The following ZFAND3 variants were observed in gnomAD, a reference collection of about 807,000 sequenced individuals.
The protein encoded by ZFAND3 is AN1-type zinc finger protein 3.
In ZFAND3, 10 loss-of-function variants were observed where a neutral mutation model predicts 29.6. The observed-to-expected ratio is 0.34, with a 90% CI of 0.21 to 0.57. The LOEUF (loss-of-function observed/expected upper bound fraction) is 0.57. ZFAND3 is among the 20% of genes least tolerant of loss of function. The probability of loss-of-function intolerance (pLI) is 0.86; values close to 1 mark genes in which losing one functional copy is unlikely to be tolerated. For synonymous variants in ZFAND3, 128 were observed against 112.6 expected (o/e 1.14, Z -0.87); for missense variants, 230 against 304.5 (o/e 0.76, Z 1.82).
chr6:38,116,778 C>T (rs1765426847), intron 5 of ZFAND3, 39 bp downstream of exon 5: 1 of 1,586,332 alleles, frequency 6.3e-7, no homozygotes, highest in Admixed American at 1.7e-5. Flanking sequence ...AGACTATATC[C>T]TTAACACCTT....
At chr6:37,881,219 A>G (rs113500211) in intron 1 of ZFAND3, among the ~76,000 whole-genome samples, 2,378 of 152,138 alleles carry the variant, frequency 0.016, 47 homozygotes, top group African/African-American at 0.053. Context: ...CCACAGCTGC[A>G]CGCCACGATG....
At chr6:37,881,969 G>A (rs1764905049) in intron 1 of ZFAND3, among the ~76,000 whole-genome samples, 1 of 152,070 alleles carries the variant, frequency 6.6e-6, no homozygotes, top group Admixed American at 6.5e-5. Flanking sequence ...TCAGCATGTC[G>A]TCTGTGTCAT....
chr6:37,900,116 T>G (rs765730358), intron 1 of ZFAND3, among the ~76,000 whole-genome samples: 34 of 152,122 alleles, frequency 2.2e-4, no homozygotes, highest in Non-Finnish European at 8.8e-5. Flanking sequence ...TTATGGACAT[T>G]TAGGTTATTA....
chr6:37,866,832 T>C (rs1224094978), intron 1 of ZFAND3, among the ~76,000 whole-genome samples: 1 of 152,170 alleles, frequency 6.6e-6, no homozygotes. Flanking sequence ...CTTTCAACAG[T>C]GGTAAGGTCA....
At chr6:37,958,453 CA>C (rs11356169) in intron 2 of ZFAND3, among the ~76,000 whole-genome samples, 41,704 of 114,170 alleles carry the variant, frequency 0.37, 5,633 homozygotes, top group Admixed American at 0.42. Context: ...GACTCGGTCT[CA>C]AAAAAAAAAA....
In ZFAND3 at chr6:37,889,206, G is replaced by A. The variant is rs1353353391; in HGVS notation, c.72-40753G>A. Among the ~76,000 whole-genome samples the A allele has an allele frequency of 3.3e-5, 5 of 151,974 alleles. No homozygotes were observed. In the East Asian group the frequency reaches 9.7e-4, roughly 29 times the overall value. On this transcript the variant is annotated intron_variant, in intron 1 of 5. Transcript: ENST00000287218. ...ACATCCAAAGCTAGAGGAAGACGGA[G>A]GAAAAAAAGGAAGCTTTCCTTCGTC...
chr6:37,909,223 A>G (rs1001473025), intron 1 of ZFAND3, among the ~76,000 whole-genome samples: 2 of 152,082 alleles, frequency 1.3e-5, no homozygotes, highest in African/African-American at 2.4e-5. Context: ...TTAAGAGGGA[A>G]GACTTTCTAA....
intron 2 of ZFAND3, among the ~76,000 whole-genome samples, chr6:37,975,366 A>T (rs1762460641): frequency 6.6e-6 from 1 of 152,028 alleles, no homozygotes; most frequent in Admixed American, 6.5e-5. Context: ...TTTATTCTGG[A>T]TACAAATCTT....
chr6:38,105,471 A>G (rs1750224035), intron 4 of ZFAND3, among the ~76,000 whole-genome samples: 1 of 152,200 alleles, frequency 6.6e-6, no homozygotes, highest in Admixed American at 6.5e-5. Flanking sequence ...TTCCATGTAT[A>G]TGTTCACATA....
intron 1 of ZFAND3, among the ~76,000 whole-genome samples, chr6:37,922,136 T>C (rs1761393291): frequency 1.3e-5 from 2 of 152,230 alleles, no homozygotes; most frequent in South Asian, 4.1e-4. Context: ...AAATAGTATG[T>C]AGAACTTACC....
chr6:37,934,219 G>T (rs1026581034), intron 2 of ZFAND3, among the ~76,000 whole-genome samples: 1 of 150,978 alleles, frequency 6.6e-6, no homozygotes, highest in African/African-American at 2.4e-5. Flanking sequence ...ATCTGGCTCT[G>T]TAGCCCTGGC....
intron 1 of ZFAND3, among the ~76,000 whole-genome samples, chr6:37,833,791 A>T (rs556506440): frequency 6.8e-6 from 1 of 146,336 alleles, no homozygotes; most frequent in Non-Finnish European, 1.5e-5. Flanking sequence ...GCGCCACTGC[A>T]CTTCCAGCCT....
intron 3 of ZFAND3, among the ~76,000 whole-genome samples, chr6:38,073,805 T>C (rs969184029): frequency 2.6e-5 from 4 of 152,192 alleles, no homozygotes; most frequent in Non-Finnish European, 5.9e-5. Flanking sequence ...ATTGAACATA[T>C]TTAACTGCTT....
At chr6:37,823,054 G>A (rs78437964) in intron 1 of ZFAND3, among the ~76,000 whole-genome samples, 8,431 of 152,212 alleles carry the variant, frequency 0.055, 623 homozygotes, top group East Asian at 0.38. Context: ...AGGGAGTGAT[G>A]TATATCTTTA....
chr6:37,891,763 C>G (rs1404519212), intron 1 of ZFAND3, among the ~76,000 whole-genome samples: 2 of 152,036 alleles, frequency 1.3e-5, no homozygotes, highest in African/African-American at 4.8e-5. Flanking sequence ...GAGTCTCGCT[C>G]TGTCGCTTAG....
At chr6:38,116,544 T>C (rs1461171658) in intron 4 of ZFAND3, 28 bp from the exon 5 acceptor site, 1 of 1,591,114 alleles carries the variant, frequency 6.3e-7, no homozygotes, top group Non-Finnish European at 8.6e-7. Context: ...GCACTAATCC[T>C]GATCCCCAAA....
intron 3 of ZFAND3, among the ~76,000 whole-genome samples, chr6:38,079,481 A>G (rs78077223): frequency 0.062 from 9,385 of 152,228 alleles, 360 homozygotes; most frequent in Non-Finnish European, 0.087. Context: ...TAAACTCTCA[A>G]CCTAAAGACA....
At chr6:38,075,660 T>G (rs888132098) in intron 3 of ZFAND3, among the ~76,000 whole-genome samples, 1 of 152,196 alleles carries the variant, frequency 6.6e-6, no homozygotes, top group African/African-American at 2.4e-5. Context: ...TGACTCCAAT[T>G]TTAAAGAAGT....
At chr6:37,874,277 A>T (rs1197757398) in intron 1 of ZFAND3, among the ~76,000 whole-genome samples, 1 of 152,138 alleles carries the variant, frequency 6.6e-6, no homozygotes, top group Non-Finnish European at 1.5e-5. Flanking sequence ...GCACTTTGGG[A>T]GGCCAAAGCA....
Sources: allele counts gnomAD v4.1 joint callset (sites outside exome capture counted in the v4.1 genomes callset), GRCh38; gene constraint gnomAD v4.1.1; transcripts MANE v1.5; gene names NCBI Gene and HGNC (gene_info 2026-07-23, HGNC 2026-07-21).